Variants in PLPP4 observed in about 807,000 individuals in gnomAD.
PLPP4 encodes phospholipid phosphatase 4, also known as diacylglycerol pyrophosphate like 2.
A neutral mutation model predicts 32.2 loss-of-function variants in PLPP4; 20 were observed. The observed-to-expected ratio is 0.62, with a 90% confidence interval of 0.44 to 0.90. The LOEUF is 0.90. PLPP4 is among the 40% of genes least tolerant of loss of function. The pLI, the probability that PLPP4 is intolerant of heterozygous loss-of-function variation, is 0.00. For synonymous variants in PLPP4, 127 were observed against 133.0 expected (o/e 0.95, Z 0.31); for missense variants, 257 against 353.1 (o/e 0.73, Z 2.18).
intron 1 of PLPP4, among the ~76,000 whole-genome samples, chr10:120,501,898 G>C (rs1845272455): frequency 1.3e-5 from 2 of 152,228 alleles, no homozygotes; most frequent in African/African-American, 4.8e-5. Context: ...GAGGCCCTGG[G>C]TGGGGAAGCA....
chr10:120,493,654 TC>T (rs901317533), intron 1 of PLPP4, among the ~76,000 whole-genome samples: 8 of 151,504 alleles, frequency 5.3e-5, no homozygotes, highest in African/African-American at 1.7e-4. Flanking sequence ...CACTCACCAA[TC>T]CCCCCCCATC....
At chr10:120,577,993 A>G (rs1013162459) in intron 6 of PLPP4, among the ~76,000 whole-genome samples, 3 of 152,152 alleles carry the variant, frequency 2.0e-5, no homozygotes, top group African/African-American at 7.2e-5. Context: ...CTGCCATCCA[A>G]TGGGTGGAGG....
At chr10:120,551,290 T>G (rs1328142825) in intron 5 of PLPP4, among the ~76,000 whole-genome samples, 2 of 152,196 alleles carry the variant, frequency 1.3e-5, no homozygotes, top group African/African-American at 4.8e-5. Flanking sequence ...GATGTATAAA[T>G]TGTTACTGCC....
intron 6 of PLPP4, among the ~76,000 whole-genome samples, chr10:120,586,297 C>A (rs1849757374): frequency 1.0e-5 from 1 of 96,494 alleles, no homozygotes; most frequent in Non-Finnish European, 2.4e-5. Flanking sequence ...ACACACCTGG[C>A]TATTTTTTTT....
At chr10:120,494,332 A>T (rs1844863842) in intron 1 of PLPP4, among the ~76,000 whole-genome samples, 1 of 152,220 alleles carries the variant, frequency 6.6e-6, no homozygotes, top group Admixed American at 6.5e-5. Flanking sequence ...CACTTCAGAG[A>T]TGAGGCAACT....
At chr10:120,511,859 C>T (rs770908820) in intron 2 of PLPP4, among the ~76,000 whole-genome samples, 9 of 152,052 alleles carry the variant, frequency 5.9e-5, no homozygotes, top group Non-Finnish European at 1.0e-4. Context: ...TTTGGGAGGC[C>T]GAGGTGGCGG....
chr10:120,585,972 A>G (rs11592921), intron 6 of PLPP4, among the ~76,000 whole-genome samples: 47,113 of 152,072 alleles, frequency 0.31, 7,398 homozygotes, highest in African/African-American at 0.33. Flanking sequence ...GTCACACTGT[A>G]TTCATCAGTT....
chr10:120,545,129 T>C (rs1197192581), intron 5 of PLPP4, among the ~76,000 whole-genome samples: 2 of 152,240 alleles, frequency 1.3e-5, no homozygotes, highest in East Asian at 3.9e-4. Context: ...CATGGCACTG[T>C]GGCAGACACA....
intron 1 of PLPP4, among the ~76,000 whole-genome samples, chr10:120,494,514 T>G (rs1844873785): frequency 6.6e-6 from 1 of 152,208 alleles, no homozygotes. Context: ...TGGTTGGGCA[T>G]TTATGCTTGC....
intron 1 of PLPP4, among the ~76,000 whole-genome samples, chr10:120,498,302 A>G (rs1357737848): frequency 6.6e-6 from 1 of 152,208 alleles, no homozygotes; most frequent in Non-Finnish European, 1.5e-5. Context: ...AATGCTTGTA[A>G]TGGGGGAAGT....
chr10:120,482,964 A>G (rs1413019734), intron 1 of PLPP4, among the ~76,000 whole-genome samples: 1 of 152,076 alleles, frequency 6.6e-6, no homozygotes, highest in Non-Finnish European at 1.5e-5. Context: ...CATTTGAGTC[A>G]GTGGACTGGG....
chr10:120,575,009 C>T, intron 5 of PLPP4, 122 bp from the exon 6 acceptor site: 1 of 945,884 alleles, frequency 1.1e-6, no homozygotes. Context: ...CTAGATAGTG[C>T]CTGGTGCCAA....
intron 5 of PLPP4, among the ~76,000 whole-genome samples, chr10:120,551,592 A>G (rs1450131218): frequency 6.6e-6 from 1 of 152,236 alleles, no homozygotes; most frequent in African/African-American, 2.4e-5. Flanking sequence ...GACAGAAAAG[A>G]GTATAAGCTA....
intron 6 of PLPP4, among the ~76,000 whole-genome samples, chr10:120,586,049 A>G (rs896132129): frequency 1.3e-4 from 20 of 152,206 alleles, no homozygotes; most frequent in African/African-American, 4.1e-4. Context: ...TTGACTAGTT[A>G]GAATGACTTT....
chr10:120,479,321 G>C (rs1483121354), intron 1 of PLPP4, among the ~76,000 whole-genome samples: 1 of 152,136 alleles, frequency 6.6e-6, no homozygotes, highest in African/African-American at 2.4e-5. Context: ...ATAATTTTCT[G>C]ATTTACATTC....
At chr10:120,568,063 A>G (rs529502883) in intron 5 of PLPP4, among the ~76,000 whole-genome samples, 89 of 152,346 alleles carry the variant, frequency 5.8e-4, no homozygotes, top group African/African-American at 1.4e-3. Context: ...TTGTGCTACA[A>G]TCTTCTTGAG....
chr10:120,542,003 C>T (rs1322417127), intron 5 of PLPP4, among the ~76,000 whole-genome samples: 1 of 152,186 alleles, frequency 6.6e-6, no homozygotes, highest in Non-Finnish European at 1.5e-5. Context: ...GTCTCAAACT[C>T]CTGACCTCGT....
intron 5 of PLPP4, among the ~76,000 whole-genome samples, chr10:120,563,770 G>A (rs1179258620): frequency 9.4e-6 from 1 of 106,258 alleles, no homozygotes; most frequent in Non-Finnish European, 1.8e-5. Context: ...ACTGCAGTCC[G>A]CAGTCCGGCC....
At chr10:120,581,227 C>T (rs1410130274) in intron 6 of PLPP4, 4 of 985,412 alleles carry the variant, frequency 4.1e-6, no homozygotes, top group Non-Finnish European at 4.8e-6. Flanking sequence ...TGGCATCCTT[C>T]CTTTGTTTTA....
Sources: allele counts gnomAD v4.1 joint callset (sites outside exome capture counted in the v4.1 genomes callset), GRCh38; gene constraint gnomAD v4.1.1; transcripts MANE v1.5; gene names NCBI Gene and HGNC (gene_info 2026-07-23, HGNC 2026-07-21).